The following CAMK1D variants were observed in gnomAD, a reference collection of about 807,000 sequenced individuals.
CAMK1D encodes calcium/calmodulin-dependent protein kinase type 1D.
In CAMK1D, 9 loss-of-function variants were observed where a neutral mutation model predicts 47.7. That is an observed-to-expected ratio of 0.19 (90% confidence interval 0.11 to 0.33). CAMK1D has a LOEUF of 0.33. Among genes scored for constraint, CAMK1D ranks in the 10% least tolerant of loss-of-function variants. CAMK1D has a pLI of 1.00. For synonymous variants in CAMK1D, 184 were observed against 184.9 expected (o/e 0.99, Z 0.04); for missense variants, 291 against 488.7 (o/e 0.60, Z 3.81).
intron 1 of CAMK1D, among the ~76,000 whole-genome samples, chr10:12,496,755 G>T (rs1834550435): frequency 6.6e-6 from 1 of 152,154 alleles, no homozygotes; most frequent in Admixed American, 6.5e-5. Context: ...AAGTTCTGAG[G>T]TCCATGTGCA....
intron 3 of CAMK1D, among the ~76,000 whole-genome samples, chr10:12,757,852 CTTTTTTT>C (rs869125453): frequency 1.1e-5 from 1 of 91,458 alleles, no homozygotes; most frequent in African/African-American, 4.4e-5. Context: ...GGGCCCTGCT[CTTTTTTT>C]TTTTTTTTTT....
chr10:12,366,819 T>C (rs1393141024), intron 1 of CAMK1D, among the ~76,000 whole-genome samples: 1 of 152,034 alleles, frequency 6.6e-6, no homozygotes, highest in Non-Finnish European at 1.5e-5. Context: ...GGTATTTCAG[T>C]ATTTTACTAG....
intron 5 of CAMK1D, among the ~76,000 whole-genome samples, chr10:12,786,042 A>G (rs1248815646): frequency 6.6e-6 from 1 of 152,192 alleles, no homozygotes. Context: ...AATTTCCGTG[A>G]GATGAAAAAT....
At chr10:12,462,020 C>T (rs1833442937) in intron 1 of CAMK1D, among the ~76,000 whole-genome samples, 1 of 152,108 alleles carries the variant, frequency 6.6e-6, no homozygotes, top group Admixed American at 6.5e-5. Context: ...CCCTAACTCC[C>T]TTGCGACTCA....
rs188539781 is a variant in CAMK1D, at chr10:12,658,933, C to G, written c.225-7803C>G. Among the ~76,000 whole-genome samples the G allele has an allele frequency of 3.9e-3, 593 of 152,312 alleles. 7 individuals are homozygous for G. Among genetic ancestry groups the G allele is most frequent in the African/African-American group, 0.013 (547 of 41,556 alleles). On this transcript the variant is annotated intron_variant, in intron 2 of 10. Coordinates refer to ENST00000619168, the MANE Select transcript of CAMK1D (RefSeq NM_153498.4). The stretch of plus-strand genomic sequence containing the variant: ...CCCCAGGATACAGAAAGCCCTCTGT[C>G]CTTGTGATAAGGCAGAGGGTCTAAT...
At chr10:12,702,446 G>A (rs1833560476) in intron 3 of CAMK1D, among the ~76,000 whole-genome samples, 1 of 152,138 alleles carries the variant, frequency 6.6e-6, no homozygotes. Flanking sequence ...CTTGAAGACG[G>A]GCTCCATCTG....
chr10:12,370,017 T>C (rs180795523), intron 1 of CAMK1D, among the ~76,000 whole-genome samples: 2 of 151,294 alleles, frequency 1.3e-5, no homozygotes, highest in Admixed American at 1.3e-4. Flanking sequence ...TTATTTATTA[T>C]TTAATAATAA....
chr10:12,695,444 C>G (rs988109814), intron 3 of CAMK1D, among the ~76,000 whole-genome samples: 3 of 152,214 alleles, frequency 2.0e-5, no homozygotes, highest in Admixed American at 2.0e-4. Flanking sequence ...AGCTTCAGCA[C>G]TACCTACTCC....
intron 2 of CAMK1D, among the ~76,000 whole-genome samples, chr10:12,558,171 C>T (rs1487647156): frequency 2.0e-5 from 3 of 152,216 alleles, no homozygotes; most frequent in Admixed American, 6.5e-5. Flanking sequence ...ATGGAATAAA[C>T]ATCATCGGTG....
chr10:12,697,571 G>A (rs1833346871), intron 3 of CAMK1D, among the ~76,000 whole-genome samples: 1 of 152,118 alleles, frequency 6.6e-6, no homozygotes, highest in African/African-American at 2.4e-5. Flanking sequence ...GCTAATTTTT[G>A]GATCTTTAGT....
At chr10:12,522,942 CGGGGCG>C (rs1835479747) in intron 1 of CAMK1D, among the ~76,000 whole-genome samples, 3 of 102,232 alleles carry the variant, frequency 2.9e-5, no homozygotes, top group African/African-American at 1.1e-4. Context: ...GCCTCCCAGA[CGGGGCG>C]GCTGGCCTGG....
chr10:12,586,453 GAAAA>G (rs201388483), intron 2 of CAMK1D, among the ~76,000 whole-genome samples: 1 of 111,722 alleles, frequency 9.0e-6, no homozygotes, highest in South Asian at 3.0e-4. Flanking sequence ...CCTCTCAAAA[GAAAA>G]AAAAAAAAAA....
At chr10:12,371,953 C>T (rs545663507) in intron 1 of CAMK1D, among the ~76,000 whole-genome samples, 12 of 152,218 alleles carry the variant, frequency 7.9e-5, no homozygotes, top group African/African-American at 2.4e-4. Context: ...AGGTGTGAGC[C>T]GTGGTGCCCC....
In CAMK1D at chr10:12,835,293, A is replaced by G. The variant is rs547480375; in HGVS notation, c.*6406A>G. On this transcript the variant is annotated 3_prime_UTR_variant, in exon 11 of 11. Transcript: ENST00000619168. ...CGCATCTACTATTACCAGGCTTGCAATTGGTTCAATTTTCCCATAAAAACA... is the reference window on the plus strand; with the variant it reads ...CGCATCTACTATTACCAGGCTTGCAGTTGGTTCAATTTTCCCATAAAAACA... 2 of 152,332 alleles carry G rather than the reference A, an allele frequency of 1.3e-5. No individual in the cohort carries two copies. Among genetic ancestry groups the G allele is most frequent in the East Asian group, 1.9e-4 (1 of 5,178 alleles). The allele number at this position is 152,332 out of a possible 1,614,324, so 9.4% of individuals were successfully genotyped here. A position where few individuals can be genotyped will look rare whatever the true frequency, so the allele number is the denominator to read the frequency against.
chr10:12,726,604 A>G (rs1834651354), intron 3 of CAMK1D, among the ~76,000 whole-genome samples: 1 of 152,152 alleles, frequency 6.6e-6, no homozygotes. Flanking sequence ...TGTTATTAGT[A>G]ATTATTTTTA....
chr10:12,413,138 T>C, intron 1 of CAMK1D, among the ~76,000 whole-genome samples: 1 of 152,146 alleles, frequency 6.6e-6, no homozygotes, highest in East Asian at 1.9e-4. Context: ...ACAGGAAGCA[T>C]GGTCTGTCAT....
chr10:12,513,447 A>G (rs966515782), intron 1 of CAMK1D, among the ~76,000 whole-genome samples: 1 of 152,040 alleles, frequency 6.6e-6, no homozygotes, highest in Non-Finnish European at 1.5e-5. Context: ...AAGGCCTGTT[A>G]TGAATATGTG....
chr10:12,562,590 A>T (rs2132293654), intron 2 of CAMK1D, among the ~76,000 whole-genome samples: 1 of 151,798 alleles, frequency 6.6e-6, no homozygotes, highest in South Asian at 2.1e-4. Context: ...TCATCTTCCC[A>T]CCCCTCACCC....
chr10:12,474,990 C>G (rs185008883), intron 1 of CAMK1D, among the ~76,000 whole-genome samples: 2 of 151,712 alleles, frequency 1.3e-5, no homozygotes, highest in Non-Finnish European at 2.9e-5. Flanking sequence ...TTTTCTTTAT[C>G]CAGTCTGCCA....
Sources: allele counts gnomAD v4.1 joint callset (sites outside exome capture counted in the v4.1 genomes callset), GRCh38; gene constraint gnomAD v4.1.1; transcripts MANE v1.5; gene names NCBI Gene and HGNC (gene_info 2026-07-23, HGNC 2026-07-21).